The following LRIG1 variants were observed in gnomAD, a reference collection of about 807,000 sequenced individuals.
LRIG1 encodes the protein leucine rich repeats and immunoglobulin like domains 1, also known as leucine-rich repeats and immunoglobulin-like domains protein 1.
A neutral mutation model predicts 99.2 loss-of-function variants in LRIG1; 48 were observed. The ratio of observed to expected loss-of-function variants is 0.48; its 90% CI spans 0.38 to 0.62. The LOEUF is 0.62. LRIG1 is among the 20% of genes least tolerant of loss of function. LRIG1 has a pLI of 0.00. For synonymous variants in LRIG1, 772 were observed against 596.1 expected (o/e 1.29, Z -4.30); for missense variants, 1,646 against 1,434.4 (o/e 1.15, Z -2.38).
At position 66,379,647 on chromosome 3, in the gene LRIG1, G is replaced by C. The variant is rs970286197; in HGVS notation, c.*616C>G. The C allele has an allele frequency of 1.3e-5, 2 of 152,190 alleles. No homozygotes were observed. Among genetic ancestry groups the C allele is most frequent in the Non-Finnish European group, 2.9e-5 (2 of 68,052 alleles). The allele number at this position is 152,190 out of a possible 1,614,324, so 9.4% of individuals were successfully genotyped here. A position where few individuals can be genotyped will look rare whatever the true frequency, so the allele number is the denominator to read the frequency against. The stretch of plus-strand genomic sequence containing the variant: ...AACCTAAAAGGAAAAGCCATTCACT[G>C]CAAGTGTGGATGGCACTTGCACCCC... On this transcript the variant is annotated 3_prime_UTR_variant, in exon 19 of 19. Transcript: ENST00000273261.
chr3:66,444,079 T>C (rs1026867639), intron 3 of LRIG1, among the ~76,000 whole-genome samples: 1 of 152,088 alleles, frequency 6.6e-6, no homozygotes, highest in Non-Finnish European at 1.5e-5. Context: ...TGACTGATAA[T>C]CAAAAGAAAG....
intron 12 of LRIG1, among the ~76,000 whole-genome samples, chr3:66,393,568 T>C (rs1701711062): frequency 6.6e-6 from 1 of 152,188 alleles, no homozygotes; most frequent in African/African-American, 2.4e-5. Context: ...ATTTCAGTGG[T>C]TTGGAGAAAC....
rs373578166 is a variant in LRIG1 at position 66,405,283 on chromosome 3, G to A, written c.1080-5C>T. 11 of 1,612,394 alleles carry A rather than the reference G, an allele frequency of 6.8e-6. No homozygotes were observed. Among genetic ancestry groups the A allele is most frequent in the Non-Finnish European group, 7.6e-6 (9 of 1,178,448 alleles). On this transcript the variant is annotated splice_polypyrimidine_tract_variant and splice_region_variant and intron_variant, in intron 8 of 18. Transcript: ENST00000273261. ...ATCTCGTTATGGTCCAGATCCCTGG[G>A]GAGAGGACAGAAAGCAGCTCACCGA...
chr3:66,382,337 G>T lies in LRIG1; in HGVS notation c.2553C>A (p.Asp851Glu). 1 of 1,614,214 alleles carries T rather than the reference G, an allele frequency of 6.2e-7. No homozygotes were observed. Reference protein sequence around the residue: ...SYLSSQGTLSDRQETVVRTEG... With the variant: ...SYLSSQGTLSERQETVVRTEG... ...CGGTCCTGACCACGGTTTCTTGTCG[G>T]TCAGAAAGGGTCCCCTGAGAAGAGA... Residue 851 changes from aspartate to glutamate, a missense_variant, in exon 16 of 19, where the codon GAC (aspartate) becomes GAA (glutamate). By Grantham distance (45) the Asp-to-Glu change is conservative. Coordinates refer to ENST00000273261, the MANE Select transcript of LRIG1 (RefSeq NM_015541.3).
At chr3:66,411,030 A>G (rs1702447812) in intron 6 of LRIG1, among the ~76,000 whole-genome samples, 1 of 152,192 alleles carries the variant, frequency 6.6e-6, no homozygotes, top group Non-Finnish European at 1.5e-5. Flanking sequence ...ATCTACTAAC[A>G]TGGAGATATC....
intron 18 of LRIG1, 24 bp downstream of exon 18, chr3:66,380,549 CACCT>C (rs1278292764): frequency 1.2e-6 from 2 of 1,613,276 alleles, no homozygotes; most frequent in Non-Finnish European, 8.5e-7. Flanking sequence ...GCTCCCAACC[CACCT>C]GTTAGAAGAC....
chr3:66,433,452 T>C (rs1232878958), intron 3 of LRIG1, among the ~76,000 whole-genome samples: 4 of 152,238 alleles, frequency 2.6e-5, no homozygotes, highest in African/African-American at 4.8e-5. Context: ...GAGATTCACA[T>C]GCCAGCTTCC....
chr3:66,462,351 G>C, intron 2 of LRIG1, 87 bp downstream of exon 2: 2 of 914,782 alleles, frequency 2.2e-6, no homozygotes, highest in South Asian at 1.4e-5. Flanking sequence ...TGCGGATCTA[G>C]GGGAGTGAGC....
At position 66,394,113 on chromosome 3, in the gene LRIG1, T is replaced by C. The variant is rs771365076; in HGVS notation, c.1395A>G (p.Thr465=). ...LIGRMLQAFV[T]ATCAHPESLK... ...GTGATTCTGGGTGGGCACAGGTGGC[T>C]GTCACAAAGGCCTGCAGCATCCTGC... Residue 465 remains threonine, a synonymous_variant, in exon 12 of 19, where the codon ACA becomes ACG. Transcript: ENST00000273261. 1.2e-6 allele frequency: 2 copies of C among 1,613,924 alleles called. No individual in the cohort carries two copies. The highest frequency in any genetic ancestry group is 1.7e-6 in the Non-Finnish European group (2 of 1,179,918).
rs914052948 is a variant in LRIG1, at chr3:66,407,215, A to G, written c.1079+133T>C. ...TACATAAAAGTTTGAGACTCTGCAC[A>G]TAGAGCAAGCCAGCTTTGGATCCAA... On this transcript the variant is annotated intron_variant, in intron 8 of 18. Transcript: ENST00000273261. The G allele has an allele frequency of 9.8e-6, 9 of 915,666 alleles. No homozygotes were observed. In the Admixed American group the frequency reaches 1.4e-4, roughly 15 times the overall value. The allele number at this position is 915,666 out of a possible 1,614,324, so 56.7% of individuals were successfully genotyped here.
At chr3:66,496,960 A>G (rs913804800) in intron 1 of LRIG1, among the ~76,000 whole-genome samples, 1 of 152,254 alleles carries the variant, frequency 6.6e-6, no homozygotes, top group Non-Finnish European at 1.5e-5. Context: ...TTCTAAGGTA[A>G]TCATAAGTAC....
intron 3 of LRIG1, among the ~76,000 whole-genome samples, chr3:66,426,101 T>C (rs1361110587): frequency 2.0e-5 from 3 of 152,152 alleles, no homozygotes; most frequent in Admixed American, 2.0e-4. Context: ...TCAAAGGCAG[T>C]TGGGACAAGG....
At chr3:66,432,462 C>A (rs1703204652) in intron 3 of LRIG1, among the ~76,000 whole-genome samples, 1 of 152,168 alleles carries the variant, frequency 6.6e-6, no homozygotes, top group African/African-American at 2.4e-5. Flanking sequence ...ACAGTGGGAA[C>A]AAATCTAACA....
intron 3 of LRIG1, among the ~76,000 whole-genome samples, chr3:66,444,234 G>A (rs992694434): frequency 2.0e-5 from 3 of 152,204 alleles, no homozygotes; most frequent in Non-Finnish European, 2.9e-5. Flanking sequence ...TACAGCAGCC[G>A]GTGAAGGTCT....
Position 66,384,031 on chromosome 3 carries a change from T to C in LRIG1, c.2031A>G (p.Ser677=), listed in dbSNP as rs1353210975. Residue 677 remains serine, a synonymous_variant, in exon 14 of 19, where the codon TCA becomes TCG. Coordinates refer to ENST00000273261, the MANE Select transcript of LRIG1 (RefSeq NM_015541.3). ...TGGCATTAGCTGAAATAGAACCGGC[T>C]GAGTTCTGAGCAGTACAGCTGTAAA... is the stretch of plus-strand genomic sequence containing the variant. The part of the protein sequence containing the change: ...AGVYSCTAQN[S]AGSISANATL... 6.2e-7 allele frequency: 1 copy of C among 1,613,872 alleles called. No individual in the cohort carries two copies. The highest frequency in any genetic ancestry group is 1.3e-5 in the African/African-American group (1 of 74,878).
chr3:66,392,773 A>G (rs1575654232), intron 12 of LRIG1, among the ~76,000 whole-genome samples: 1 of 152,078 alleles, frequency 6.6e-6, no homozygotes, highest in South Asian at 2.1e-4. Flanking sequence ...AAGGGGAGGG[A>G]GCGATGGAAA....
intron 8 of LRIG1, chr3:66,406,052 C>T: frequency 1.0e-6 from 1 of 986,884 alleles, no homozygotes. Flanking sequence ...TTAAATTTTC[C>T]CCCCGAGCCC....
intron 12 of LRIG1, among the ~76,000 whole-genome samples, chr3:66,388,791 G>A (rs1047080204): frequency 6.6e-6 from 1 of 152,074 alleles, no homozygotes; most frequent in Non-Finnish European, 1.5e-5. Context: ...AAAACATTCC[G>A]ATGTTTTTAT....
chr3:66,432,186 T>C lies in LRIG1; in HGVS notation c.366-14920A>G, dbSNP rs115644217. Among the ~76,000 whole-genome samples, 1,162 of 152,208 alleles carry C rather than the reference T, an allele frequency of 7.6e-3. 18 individuals carry two copies. The highest frequency in any genetic ancestry group is 0.027 in the African/African-American group (1,111 of 41,546). ...GTCCACCAGGCACAAAGGAGGGTTT[T>C]CCACACAGAACCTCCTCCTGAACCC... On this transcript the variant is annotated intron_variant, in intron 3 of 18. Transcript: ENST00000273261.
Sources: gnomAD v4.1 joint callset for allele counts (sites outside exome capture counted in the v4.1 genomes callset) on GRCh38, gnomAD v4.1.1 for gene constraint, MANE v1.5 for transcripts, NCBI Gene and HGNC (gene_info 2026-07-23, HGNC 2026-07-21) for gene names.